The following GRAMD1C variants were observed in gnomAD, a reference collection of about 807,000 sequenced individuals.
GRAMD1C encodes GRAM domain containing 1C, also known as protein Aster-C.
In GRAMD1C, 89 loss-of-function variants were observed where a neutral mutation model predicts 97.8. That is an observed-to-expected ratio of 0.91 (90% confidence interval 0.77 to 1.09). The LOEUF (loss-of-function observed/expected upper bound fraction) is 1.09. Among genes scored for constraint, GRAMD1C ranks in the 50% least tolerant of loss-of-function variants. The pLI, the probability that GRAMD1C is intolerant of heterozygous loss-of-function variation, is 0.00. For synonymous variants in GRAMD1C, 256 were observed against 267.0 expected (o/e 0.96, Z 0.40); for missense variants, 740 against 766.4 (o/e 0.97, Z 0.41).
At chr3:113,845,429 C>T (rs7612787) in intron 2 of GRAMD1C, among the ~76,000 whole-genome samples, 53,205 of 151,986 alleles carry the variant, frequency 0.35, 9,563 homozygotes, top group Admixed American at 0.41. Context: ...CGATAGCTCA[C>T]GCCTGTAATC....
intron 7 of GRAMD1C, among the ~76,000 whole-genome samples, chr3:113,903,625 C>G (rs1330960793): frequency 6.6e-6 from 1 of 152,062 alleles, no homozygotes; most frequent in Non-Finnish European, 1.5e-5. Flanking sequence ...TTTCTTAAAC[C>G]TTGTTCTTAG....
At chr3:113,865,258 C>T (rs1211023103) in intron 2 of GRAMD1C, among the ~76,000 whole-genome samples, 1 of 152,138 alleles carries the variant, frequency 6.6e-6, no homozygotes, top group Admixed American at 6.5e-5. Flanking sequence ...AATCCAAACA[C>T]CTCTTAAAGT....
At position 113,909,234 on chromosome 3, in the gene GRAMD1C, A is replaced by G. The variant is rs563221384; in HGVS notation, c.952+114A>G. Reference sequence around the variant, plus strand: ...GTTTTATTAGACACAGTCTCACCCTATAAAGAAACAAAAAAAGAATGGGAG... The same window carrying G: ...GTTTTATTAGACACAGTCTCACCCTGTAAAGAAACAAAAAAAGAATGGGAG... On this transcript the variant is annotated intron_variant, in intron 9 of 17. Coordinates refer to ENST00000358160, the MANE Select transcript of GRAMD1C (RefSeq NM_017577.5). 4.2e-4 allele frequency: 189 copies of G among 451,732 alleles called. 1 individual carries two copies. The highest frequency in any genetic ancestry group is 3.8e-3 in the African/African-American group (185 of 49,004). The allele number at this position is 451,732 out of a possible 1,614,324, so 28.0% of individuals were successfully genotyped here. A position where few individuals can be genotyped will look rare whatever the true frequency, so the allele number is the denominator to read the frequency against.
At chr3:113,836,816 G>T (rs1709638424), upstream of GRAMD1C, among the ~76,000 whole-genome samples, 1 of 151,762 alleles carries the variant, frequency 6.6e-6, no homozygotes, top group African/African-American at 2.4e-5. Context: ...ACTAATTTTT[G>T]TATTTTTAGT....
At chr3:113,933,320 C>T (rs994889741) in intron 11 of GRAMD1C, among the ~76,000 whole-genome samples, 191 bp from the exon 12 acceptor site, 5 of 152,332 alleles carry the variant, frequency 3.3e-5, no homozygotes, top group East Asian at 1.9e-4. Flanking sequence ...GCATAAGCCG[C>T]CATACCCGGC....
At chr3:113,893,681 A>AGTC (rs1935823288) in intron 6 of GRAMD1C, among the ~76,000 whole-genome samples, 1 of 152,244 alleles carries the variant, frequency 6.6e-6, no homozygotes, top group African/African-American at 2.4e-5. Flanking sequence ...TGGTTTACCA[A>AGTC]GTACGGTCTG....
Position 113,930,834 on chromosome 3 carries a change from T to C in GRAMD1C, c.1209+2T>C, listed in dbSNP as rs1472850829. 4.8e-6 allele frequency: 7 copies of C among 1,455,614 alleles called. No homozygotes were observed. The highest frequency in any genetic ancestry group is 6.8e-6 in the Non-Finnish European group (7 of 1,035,794). The allele number at this position is 1,455,614 out of a possible 1,614,324, so 90.2% of individuals were successfully genotyped here. ...TGCACTGCTGCCACTGAAAAGCAGG[T>C]ACGTCTGCTTTGTCAGTGTCCAGAA... On this transcript the variant is annotated splice_donor_variant, in intron 11 of 17. Transcript: ENST00000358160. LOFTEE classifies it high-confidence loss of function.
chr3:113,885,052 C>A (rs1046017086), intron 6 of GRAMD1C, among the ~76,000 whole-genome samples: 1 of 151,436 alleles, frequency 6.6e-6, no homozygotes, highest in Admixed American at 6.6e-5. Context: ...CCGAAGGCGT[C>A]GGTGCCACTC....
chr3:113,852,579 C>T (rs1304577135), intron 2 of GRAMD1C, among the ~76,000 whole-genome samples: 1 of 151,588 alleles, frequency 6.6e-6, no homozygotes, highest in Non-Finnish European at 1.5e-5. Context: ...AATGTCTTGG[C>T]TCACAAAACA....
intron 2 of GRAMD1C, among the ~76,000 whole-genome samples, chr3:113,866,542 T>C (rs987118012): frequency 4.6e-5 from 7 of 152,234 alleles, no homozygotes; most frequent in African/African-American, 1.7e-4. Context: ...ATAATATGGT[T>C]AGATTTACAA....
intron 2 of GRAMD1C, among the ~76,000 whole-genome samples, chr3:113,858,106 A>G (rs145098114): frequency 7.2e-5 from 11 of 152,150 alleles, no homozygotes; most frequent in African/African-American, 1.7e-4. Context: ...CAGTAAAACT[A>G]TCTGGGCCTG....
intron 11 of GRAMD1C, among the ~76,000 whole-genome samples, chr3:113,932,942 A>G (rs1337468991): frequency 6.8e-6 from 1 of 146,466 alleles, no homozygotes; most frequent in Non-Finnish European, 1.5e-5. Flanking sequence ...GAGCGCAGTG[A>G]GGCGATCTTG....
chr3:113,860,967 TAAA>T (rs56315203), intron 2 of GRAMD1C, among the ~76,000 whole-genome samples: 11 of 138,450 alleles, frequency 7.9e-5, no homozygotes, highest in Admixed American at 1.5e-4. Context: ...AACTCCAACT[TAAA>T]AAAAAAAAAA....
At chr3:113,925,966 C>T (rs1348224656) in intron 10 of GRAMD1C, among the ~76,000 whole-genome samples, 1 of 152,184 alleles carries the variant, frequency 6.6e-6, no homozygotes, top group Non-Finnish European at 1.5e-5. Flanking sequence ...TGCCCCTTCC[C>T]TCTAGCTACC....
At chr3:113,872,372 C>A (rs1416165584) in intron 3 of GRAMD1C, among the ~76,000 whole-genome samples, 2 of 150,024 alleles carry the variant, frequency 1.3e-5, no homozygotes, top group Non-Finnish European at 3.0e-5. Flanking sequence ...TACTATGAAT[C>A]CACTTCATTC....
chr3:113,851,143 T>C (rs1311635158), intron 2 of GRAMD1C, among the ~76,000 whole-genome samples: 1 of 152,172 alleles, frequency 6.6e-6, no homozygotes, highest in Non-Finnish European at 1.5e-5. Context: ...ATTGTATTTT[T>C]AAACTGGAGG....
At chr3:113,915,905 A>T in intron 10 of GRAMD1C, 67 bp downstream of exon 10, 1 of 1,205,928 alleles carries the variant, frequency 8.3e-7, no homozygotes, top group Non-Finnish European at 1.2e-6. Flanking sequence ...AATATTGAGC[A>T]TATATAAACT....
At chr3:113,921,109 T>G (rs922582494) in intron 10 of GRAMD1C, among the ~76,000 whole-genome samples, 5 of 152,168 alleles carry the variant, frequency 3.3e-5, no homozygotes, top group Admixed American at 3.3e-4. Flanking sequence ...TTCCCTTCTT[T>G]GCGGCCATGT....
At chr3:113,903,811 C>G (rs1228296082) in intron 7 of GRAMD1C, among the ~76,000 whole-genome samples, 1 of 151,604 alleles carries the variant, frequency 6.6e-6, no homozygotes, top group Non-Finnish European at 1.5e-5. Context: ...CTGTACCTGT[C>G]CAAGCTTTGT....
Sources: allele counts gnomAD v4.1 joint callset (sites outside exome capture counted in the v4.1 genomes callset), GRCh38; gene constraint gnomAD v4.1.1; transcripts MANE v1.5; gene names NCBI Gene and HGNC (gene_info 2026-07-23, HGNC 2026-07-21).